The following RPTOR variants were observed in gnomAD, a reference collection of about 807,000 sequenced individuals.
RPTOR encodes regulatory associated protein of MTOR complex 1.
In RPTOR, 21 loss-of-function variants were observed where a neutral mutation model predicts 169.9. The ratio of observed to expected loss-of-function variants is 0.12; its 90% CI spans 0.09 to 0.18. The LOEUF is 0.18. Ranked by LOEUF, RPTOR falls within the 10% of genes least tolerant of loss-of-function variation. The pLI is 1.00. For missense variants in RPTOR, 1,133 were observed against 1,855.9 expected (o/e 0.61, Z 7.16); for synonymous variants, 732 against 753.2 (o/e 0.97, Z 0.46).
At chr17:80,767,248 G>A (rs988111451) in intron 6 of RPTOR, among the ~76,000 whole-genome samples, 2 of 152,162 alleles carry the variant, frequency 1.3e-5, no homozygotes, top group East Asian at 1.9e-4. Context: ...GCATACGCTT[G>A]TAGTCCCAGC....
rs879677910 is a variant in RPTOR at position 80,743,749 on chromosome 17, C to CTAT, written c.655-10261_655-10260insTAT. ...AGCACAGCCCTGGCTACTAGCAGAG[C>CTAT]CCTGGCTACTAGCACTCTCCTGGTT... On this transcript the variant is annotated intron_variant, in intron 5 of 33. Coordinates refer to ENST00000306801, the MANE Select transcript of RPTOR (RefSeq NM_020761.3). Among the ~76,000 whole-genome samples, 114 of 108,352 alleles carry CTAT rather than the reference C, an allele frequency of 1.1e-3. 4 individuals are homozygous for CTAT. Among genetic ancestry groups the CTAT allele is most frequent in the East Asian group, 4.5e-3 (17 of 3,758 alleles). The allele number at this position is 108,352 out of a possible 152,430, so 71.1% of individuals were successfully genotyped here.
rs185703531 is a variant in RPTOR, at chr17:80,547,492, T to G, written c.162+1701T>G. ...ATTCCCTAATAAGCTTTTCACAGGT[T>G]GTTAAGAGAAACAAAAGTTCTGTGA... On this transcript the variant is annotated intron_variant, in intron 1 of 33. Transcript: ENST00000306801. Among the ~76,000 whole-genome samples, 56 of 152,346 alleles carry G rather than the reference T, an allele frequency of 3.7e-4. No individual in the cohort carries two copies. In the East Asian group the frequency reaches 5.6e-3, roughly 15 times the overall value.
intron 4 of RPTOR, among the ~76,000 whole-genome samples, chr17:80,709,431 G>C (rs1478225919): frequency 6.6e-6 from 1 of 152,136 alleles, no homozygotes; most frequent in Non-Finnish European, 1.5e-5. Context: ...CAGGCACGGC[G>C]AATCCGGGAG....
chr17:80,840,985 A>G (rs1192083571), intron 10 of RPTOR, among the ~76,000 whole-genome samples: 7 of 14,510 alleles, frequency 4.8e-4, no homozygotes, highest in East Asian at 4.1e-3. Flanking sequence ...CACATTCACC[A>G]CACGGCAACT....
At chr17:80,561,886 G>A (rs1473073611) in intron 1 of RPTOR, among the ~76,000 whole-genome samples, 1 of 152,174 alleles carries the variant, frequency 6.6e-6, no homozygotes, top group Non-Finnish European at 1.5e-5. Context: ...GAATATGTGT[G>A]TGTGTGAGTC....
intron 3 of RPTOR, among the ~76,000 whole-genome samples, chr17:80,653,451 A>G (rs1230365957): frequency 6.6e-6 from 1 of 152,186 alleles, no homozygotes; most frequent in Admixed American, 6.5e-5. Flanking sequence ...TTTAATACCA[A>G]TCCCTTAAGA....
At chr17:80,839,598 A>T (rs2067604952) in intron 10 of RPTOR, among the ~76,000 whole-genome samples, 1 of 152,112 alleles carries the variant, frequency 6.6e-6, no homozygotes, top group South Asian at 2.1e-4. Context: ...TCTCCTGCAG[A>T]GTGGCAAACC....
intron 3 of RPTOR, among the ~76,000 whole-genome samples, chr17:80,661,844 G>C (rs1308422031): frequency 2.0e-5 from 3 of 152,082 alleles, no homozygotes; most frequent in African/African-American, 7.2e-5. Context: ...CGCGAGTCTC[G>C]TGGCATTTGG....
At chr17:80,676,788 C>T (rs1284035342) in intron 3 of RPTOR, among the ~76,000 whole-genome samples, 3 of 152,194 alleles carry the variant, frequency 2.0e-5, no homozygotes, top group African/African-American at 4.8e-5. Flanking sequence ...AGGCTCTGTC[C>T]CTGTGTATTT....
intron 25 of RPTOR, 84 bp from the exon 26 acceptor site, chr17:80,945,583 C>G: frequency 1.2e-6 from 1 of 853,776 alleles, no homozygotes; most frequent in African/African-American, 1.8e-5. Context: ...CAGAGCGAGA[C>G]TCCGTCTCAA....
chr17:80,693,079 G>A (rs1417068449), intron 3 of RPTOR, among the ~76,000 whole-genome samples: 1 of 152,170 alleles, frequency 6.6e-6, no homozygotes, highest in African/African-American at 2.4e-5. Flanking sequence ...GTATTAGACT[G>A]GAATCCACGT....
rs1327652171 is a variant in RPTOR, at chr17:80,964,350, C to T, written c.*20C>T. On this transcript the variant is annotated 3_prime_UTR_variant, in exon 34 of 34. Transcript: ENST00000306801. The stretch of plus-strand genomic sequence containing the variant: ...AGATAGCGGCGTGACCCGGGCCCAC[C>T]AGGCCACGGCCGCCTGCTGTACATA... 1 of 1,603,520 alleles carries T rather than the reference C, an allele frequency of 6.2e-7. No individual in the cohort carries two copies. Among genetic ancestry groups the T allele is most frequent in the Non-Finnish European group, 8.5e-7 (1 of 1,179,344 alleles).
chr17:80,920,840 C>T (rs1219935037), intron 21 of RPTOR, among the ~76,000 whole-genome samples: 1 of 152,234 alleles, frequency 6.6e-6, no homozygotes, highest in Non-Finnish European at 1.5e-5. Flanking sequence ...AGTTCACAGT[C>T]GAAAACTTGC....
Position 80,924,373 on chromosome 17 carries a change from A to G in RPTOR, c.2808+700A>G, listed in dbSNP as rs547257868. Among the ~76,000 whole-genome samples the G allele has an allele frequency of 7.9e-5, 12 of 152,240 alleles. No homozygotes were observed. In the South Asian group the frequency reaches 2.5e-3, roughly 32 times the overall value. The stretch of plus-strand genomic sequence containing the variant: ...TGGGTGCTGACAGCATGATCATCTC[A>G]GCAATGAGTGGGGTCCGGGGCTCGC... On this transcript the variant is annotated intron_variant, in intron 23 of 33. Coordinates refer to ENST00000306801, the MANE Select transcript of RPTOR (RefSeq NM_020761.3).
Position 80,708,617 on chromosome 17 carries a change from C to T in RPTOR, c.507+618C>T, listed in dbSNP as rs2066159822. ...CCCACCCTCCAGGGTGTGGTGGGTGCTGACTGTCTCCTCATCCTCCAGGGT... is the reference window on the plus strand; with the variant it reads ...CCCACCCTCCAGGGTGTGGTGGGTGTTGACTGTCTCCTCATCCTCCAGGGT... On this transcript the variant is annotated intron_variant, in intron 4 of 33. Transcript: ENST00000306801. This position sits in a 1 kb window ranked among gnomAD's most constrained non-coding sequence, Gnocchi z 4.2. 7.3e-6 allele frequency among the ~76,000 whole-genome samples: 1 copy of T among 136,292 alleles called. No homozygotes were observed. The highest frequency in any genetic ancestry group is 3.2e-5 in the African/African-American group (1 of 31,246). The allele number at this position is 136,292 out of a possible 152,430, so 89.4% of individuals were successfully genotyped here.
At chr17:80,776,748 A>G (rs1236878263) in intron 6 of RPTOR, among the ~76,000 whole-genome samples, 3 of 152,206 alleles carry the variant, frequency 2.0e-5, no homozygotes, top group African/African-American at 7.2e-5. Context: ...TGCATATTGC[A>G]GGGGAAAGAC....
At chr17:80,765,237 C>A (rs946988810) in intron 6 of RPTOR, among the ~76,000 whole-genome samples, 1 of 152,178 alleles carries the variant, frequency 6.6e-6, no homozygotes, top group Non-Finnish European at 1.5e-5. Context: ...TCTGAACACT[C>A]TTCTCACAGA....
chr17:80,615,102 G>A (rs2065299361), intron 1 of RPTOR, among the ~76,000 whole-genome samples: 1 of 152,142 alleles, frequency 6.6e-6, no homozygotes, highest in South Asian at 2.1e-4. Flanking sequence ...ATCTGAGTCT[G>A]TTCCCGCCAG....
chr17:80,759,188 G>A (rs1047894007), intron 6 of RPTOR, among the ~76,000 whole-genome samples: 1 of 151,742 alleles, frequency 6.6e-6, no homozygotes, highest in African/African-American at 2.4e-5. Flanking sequence ...AACCCCATCT[G>A]TAAAAAAAAG....
Sources: allele counts gnomAD v4.1 joint callset (sites outside exome capture counted in the v4.1 genomes callset), GRCh38; gene constraint gnomAD v4.1.1; non-coding constraint Gnocchi (gnomAD v3.1); transcripts MANE v1.5; gene names NCBI Gene and HGNC (gene_info 2026-07-23, HGNC 2026-07-21).